The following CREB3L3 variants were observed in gnomAD, a reference collection of about 807,000 sequenced individuals.
CREB3L3 encodes the protein cAMP responsive element binding protein 3 like 3, also known as cyclic AMP-responsive element-binding protein 3-like protein 3.
CREB3L3 carries 40 observed loss-of-function variants against 44.6 expected under a neutral mutation model. The ratio of observed to expected loss-of-function variants is 0.90; its 90% CI spans 0.70 to 1.17. CREB3L3 has a LOEUF of 1.17. Ranked by LOEUF, CREB3L3 falls within the 50% of genes most tolerant of loss-of-function variation. CREB3L3 has a pLI of 0.00. For missense variants in CREB3L3, 578 were observed against 595.8 expected, an observed-to-expected ratio of 0.97 and a Z score of 0.31; for synonymous variants, 273 against 256.3, an observed-to-expected ratio of 1.06 and a Z score of -0.62.
At chr19:4,155,811 G>A (rs1466235831) in intron 2 of CREB3L3, among the ~76,000 whole-genome samples, 8 of 139,992 alleles carry the variant, frequency 5.7e-5, no homozygotes, top group Non-Finnish European at 7.6e-5. Context: ...GCAATGGCGC[G>A]ATCTTGGCTC....
Position 4,154,993 on chromosome 19 carries a change from A to G in CREB3L3, c.122A>G (p.Glu41Gly). The G allele has an allele frequency of 6.2e-7, 1 of 1,611,644 alleles. No homozygotes were observed. Among genetic ancestry groups the G allele is most frequent in the South Asian group, 1.1e-5 (1 of 91,072 alleles). Reference sequence around the variant, plus strand: ...CAGGACGGCATCCTGAGACACGTGGAGCTGGGCGAGGGCTGGGGTCACGTC... The same window carrying G: ...CAGGACGGCATCCTGAGACACGTGGGGCTGGGCGAGGGCTGGGGTCACGTC... ...DRQDGILRHVELGEGWGHVKD... is the reference protein window; with the variant it reads ...DRQDGILRHVGLGEGWGHVKD... The change falls in exon 2 of 10, where the codon GAG (glutamate) becomes GGG (glycine). Residue 41 changes from glutamate to glycine, a missense_variant. By Grantham distance (98) the Glu-to-Gly change is moderately conservative. Transcript: ENST00000078445.
At chr19:4,154,121 G>C (rs1293541201) in intron 1 of CREB3L3, among the ~76,000 whole-genome samples, 2 of 151,862 alleles carry the variant, frequency 1.3e-5, no homozygotes, top group African/African-American at 4.8e-5. Flanking sequence ...ACCCAGGCTA[G>C]AGTGCAATGG....
At chr19:4,155,174 C>A in intron 2 of CREB3L3, 147 bp downstream of exon 2, 1 of 985,992 alleles carries the variant, frequency 1.0e-6, no homozygotes, top group Middle Eastern at 3.2e-4. Flanking sequence ...TTGATTTTAG[C>A]CAAGCACATC....
intron 4 of CREB3L3, among the ~76,000 whole-genome samples, chr19:4,163,351 A>AGAAAGAAAGAAGGAAG (rs535753131): frequency 1.0e-4 from 12 of 117,192 alleles, no homozygotes; most frequent in African/African-American, 2.9e-4. Flanking sequence ...AAAGAAAGAA[A>AGAAAGAAAGAAGGAAG]GAAGGAAGGA....
At chr19:4,159,573 G>C in intron 3 of CREB3L3, 91 bp from the exon 4 acceptor site, 1 of 774,868 alleles carries the variant, frequency 1.3e-6, no homozygotes, top group African/African-American at 1.7e-5. Context: ...AATCATGGGA[G>C]ACTTGGTGGA....
intron 4 of CREB3L3, 175 bp from the exon 5 acceptor site, chr19:4,164,328 G>A (rs912927433): frequency 1.1e-5 from 8 of 759,738 alleles, no homozygotes; most frequent in East Asian, 2.6e-5. Context: ...GGCTGGTCTC[G>A]ATCTCCTGAG....
At position 4,157,275 on chromosome 19, in the gene CREB3L3, C is replaced by T. The variant is rs2041597007; in HGVS notation, c.437C>T (p.Ala146Val). The T allele has an allele frequency of 1.2e-6, 2 of 1,614,188 alleles. No homozygotes were observed. Among genetic ancestry groups the T allele is most frequent in the Admixed American group, 1.7e-5 (1 of 60,004 alleles). The change falls in exon 3 of 10, where the codon GCC becomes GTC. Residue 146 changes from alanine (A) to valine (V), a missense_variant. Coordinates refer to ENST00000078445, the MANE Select transcript of CREB3L3 (RefSeq NM_032607.3). ...GGGCCAGTGATCCAAGTACCTGAAG[C>T]CTCTGTGACCATAGACCTGGGTGAG... ...TPGPVIQVPE[A>V]SVTIDLEMWS...
chr19:4,155,119 C>A, intron 2 of CREB3L3, 92 bp downstream of exon 2: 1 of 1,496,892 alleles, frequency 6.7e-7, no homozygotes, highest in Non-Finnish European at 9.2e-7. Flanking sequence ...CAGAGCCCAG[C>A]CAGAGCTCTG....
In CREB3L3 at chr19:4,157,287, T is replaced by C. The variant is rs372613695; in HGVS notation, c.449T>C (p.Ile150Thr). 5.9e-5 allele frequency: 95 copies of C among 1,614,046 alleles called. 3 individuals are homozygous for C. The South Asian group carries it at 6.7e-4, about 11-fold the overall frequency. ...VIQVPEASVT[I>T]DLEMWSPGGR... ...CAAGTACCTGAAGCCTCTGTGACCATAGACCTGGGTGAGTCCTGCTGTGTC... is the reference window on the plus strand; with the variant it reads ...CAAGTACCTGAAGCCTCTGTGACCACAGACCTGGGTGAGTCCTGCTGTGTC... The change falls in exon 3 of 10, where the codon ATA becomes ACA. Residue 150 changes from isoleucine (I) to threonine (T), a missense_variant. By Grantham distance (89) the Ile-to-Thr change is moderately conservative. Coordinates refer to ENST00000078445, the MANE Select transcript of CREB3L3 (RefSeq NM_032607.3).
chr19:4,154,596 ACTC>A (rs2041548575), intron 1 of CREB3L3, among the ~76,000 whole-genome samples: 1 of 150,662 alleles, frequency 6.6e-6, no homozygotes, highest in African/African-American at 2.4e-5. Flanking sequence ...CTGGTCTTGA[ACTC>A]CTGGGCTCAA....
intron 6 of CREB3L3, among the ~76,000 whole-genome samples, chr19:4,168,906 T>A (rs1165220378): frequency 1.3e-5 from 2 of 152,024 alleles, no homozygotes; most frequent in African/African-American, 4.8e-5. Context: ...CTAATTTCTT[T>A]GTATTTTTGG....
chr19:4,159,103 T>C (rs2041626322), intron 3 of CREB3L3, among the ~76,000 whole-genome samples: 1 of 151,844 alleles, frequency 6.6e-6, no homozygotes, highest in African/African-American at 2.4e-5. Context: ...TGTGTCTTCC[T>C]CAGCCTTGTG....
chr19:4,161,250 C>T (rs1361366639), intron 4 of CREB3L3, among the ~76,000 whole-genome samples: 1 of 151,164 alleles, frequency 6.6e-6, no homozygotes, highest in Non-Finnish European at 1.5e-5. Flanking sequence ...GCGTGAGCCA[C>T]CGTGCCCCGT....
At chr19:4,159,892 G>A in intron 4 of CREB3L3, 110 bp downstream of exon 4, 1 of 725,724 alleles carries the variant, frequency 1.4e-6, no homozygotes, top group South Asian at 1.5e-5. Context: ...TCACAGAAAG[G>A]CGTGGAATTT....
chr19:4,154,543 T>A (rs996673172), intron 1 of CREB3L3, among the ~76,000 whole-genome samples: 8 of 152,034 alleles, frequency 5.3e-5, no homozygotes, highest in South Asian at 2.1e-4. Context: ...CTAATTTTTT[T>A]AAATTATTTG....
intron 6 of CREB3L3, among the ~76,000 whole-genome samples, chr19:4,169,217 C>T (rs1029616703): frequency 1.4e-4 from 21 of 151,644 alleles, no homozygotes; most frequent in African/African-American, 4.8e-4. Flanking sequence ...CTCGGCCGGG[C>T]GCCGTGGCTC....
At chr19:4,155,175 C>A in intron 2 of CREB3L3, 148 bp downstream of exon 2, 1 of 984,240 alleles carries the variant, frequency 1.0e-6, no homozygotes, top group Non-Finnish European at 1.5e-6. Context: ...TGATTTTAGC[C>A]AAGCACATCA....
chr19:4,157,293 T>A lies in CREB3L3; in HGVS notation c.455T>A (p.Leu152Gln). Residue 152 changes from leucine (L) to glutamine (Q), a missense_variant and splice_region_variant, in exon 3 of 10, where the codon CTG (leucine) becomes CAG (glutamine). Coordinates refer to ENST00000078445, the MANE Select transcript of CREB3L3 (RefSeq NM_032607.3). ...CCTGAAGCCTCTGTGACCATAGACC[T>A]GGGTGAGTCCTGCTGTGTCTCTGCC... is the stretch of plus-strand genomic sequence containing the variant. The part of the protein sequence containing the change: ...QVPEASVTID[L>Q]EMWSPGGRIC... The A allele has an allele frequency of 1.2e-6, 2 of 1,614,132 alleles. No homozygotes were observed. Among genetic ancestry groups the A allele is most frequent in the Non-Finnish European group, 1.7e-6 (2 of 1,180,014 alleles).
Position 4,172,177 on chromosome 19 carries a change from C to T in CREB3L3, c.*208C>T. The T allele has an allele frequency of 3.3e-6, 2 of 615,176 alleles. No individual in the cohort carries two copies. Among genetic ancestry groups the T allele is most frequent in the South Asian group, 2.0e-5 (1 of 49,484 alleles). The allele number at this position is 615,176 out of a possible 1,614,324, so 38.1% of individuals were successfully genotyped here. On this transcript the variant is annotated 3_prime_UTR_variant, in exon 10 of 10. Coordinates refer to ENST00000078445, the MANE Select transcript of CREB3L3 (RefSeq NM_032607.3). Reference sequence around the variant, plus strand: ...CACTCAGACACAAGGCAAAGAGGGCCACAGGACCCGGGAAATACACACAGA... The same window carrying T: ...CACTCAGACACAAGGCAAAGAGGGCTACAGGACCCGGGAAATACACACAGA...
Sources: allele counts gnomAD v4.1 joint callset (sites outside exome capture counted in the v4.1 genomes callset), GRCh38; gene constraint gnomAD v4.1.1; transcripts MANE v1.5; gene names NCBI Gene and HGNC (gene_info 2026-07-23, HGNC 2026-07-21).